The following ZNF75D variants were observed in gnomAD, a reference collection of about 807,000 sequenced individuals.
ZNF75D encodes the protein zinc finger protein 75D.
Under a neutral mutation model 33.3 loss-of-function variants are expected in ZNF75D, and 33 were observed. The observed-to-expected ratio is 0.99, with a 90% CI of 0.75 to 1.32. The LOEUF (loss-of-function observed/expected upper bound fraction) is 1.32. Ranked by LOEUF, ZNF75D falls within the 40% of genes most tolerant of loss-of-function variation. The pLI is 0.00. For missense variants in ZNF75D, 338 were observed against 367.5 expected (o/e 0.92, Z 0.66); for synonymous variants, 113 against 130.6 (o/e 0.87, Z 0.92).
intron 1 of ZNF75D, among the ~76,000 whole-genome samples, chrX:135,277,270 G>A (rs2083902643): frequency 8.9e-6 from 1 of 111,908 alleles, no homozygotes; most frequent in Non-Finnish European, 1.9e-5. Context: ...ATAGTTTGTT[G>A]GCCGCATAAA....
chrX:135,317,463 T>C (rs2084434955), intron 1 of ZNF75D, among the ~76,000 whole-genome samples: 1 of 111,304 alleles, frequency 9.0e-6, no homozygotes. Context: ...GGTAGCTTAC[T>C]TGGATGCCAG....
intron 1 of ZNF75D, among the ~76,000 whole-genome samples, chrX:135,307,723 GT>G (rs1269180289): frequency 8.9e-6 from 1 of 112,171 alleles, no homozygotes; most frequent in African/African-American, 3.2e-5. Flanking sequence ...TCACACAGTT[GT>G]GTGAGACACA....
intron 1 of ZNF75D, among the ~76,000 whole-genome samples, chrX:135,272,788 C>T (rs1331770742): frequency 9.0e-6 from 1 of 111,332 alleles, no homozygotes; most frequent in African/African-American, 3.3e-5. Context: ...AATATCCTCT[C>T]CATTTACATA....
Position 135,266,775 on chromosome X carries a change from T to C in ZNF75D, n.828-10998A>G, listed in dbSNP as rs143539734. Among the ~76,000 whole-genome samples, 881 of 111,998 alleles carry C rather than the reference T, an allele frequency of 7.9e-3. 4 individuals are homozygous for C. The highest frequency in any genetic ancestry group is 0.032 in the Middle Eastern group (7 of 217). On this transcript the variant is annotated intron_variant and non_coding_transcript_variant, in intron 1 of 3. Coordinates refer to the ZNF75D transcript ENST00000494295. The stretch of plus-strand genomic sequence containing the variant: ...AAGTTAATCTGCACTATAGAACAAA[T>C]GGACTTAATAGATATTTACAGAACA...
intron 1 of ZNF75D, among the ~76,000 whole-genome samples, chrX:135,306,521 C>T: frequency 8.9e-6 from 1 of 111,833 alleles, no homozygotes; most frequent in South Asian, 3.7e-4. Context: ...ACAAGCTCCC[C>T]CTCTTACATA....
chrX:135,287,221 C>T lies in ZNF75D; in HGVS notation c.1449G>A (p.Lys483=). Residue 483 remains lysine (K), a synonymous_variant, in exon 7 of 7, where the codon AAG becomes AAA. Transcript: ENST00000370766. ...GEQPYTCSLC[K]RNFSRRSSLL... ...GGCTCGATCGCCTACTAAAGTTTCT[C>T]TTGCATAAGCTACACGTATAAGGCT... is the stretch of plus-strand genomic sequence containing the variant. 1 of 1,211,060 alleles carries T rather than the reference C, an allele frequency of 8.3e-7. No homozygotes were observed. Among genetic ancestry groups the T allele is most frequent in the Non-Finnish European group, 1.1e-6 (1 of 895,336 alleles).
chrX:135,270,671 TC>T (rs2083879965), intron 1 of ZNF75D, among the ~76,000 whole-genome samples: 1 of 109,285 alleles, frequency 9.2e-6, no homozygotes, highest in Non-Finnish European at 1.9e-5. Flanking sequence ...CCATACTAAA[TC>T]CCTTTGGGTC....
Position 135,287,707 on chromosome X carries a change from A to G in ZNF75D, c.963T>C (p.Gly321=). ...GCCATTTCTGTACACTGTGTGTATC[A>G]CCAGGATTTTCCCTGCCCATTGTTT... is the stretch of plus-strand genomic sequence containing the variant. ...AQKTMGRENP[G]DTHSVQKWHR... is the part of the protein sequence containing the mutation. Residue 321 remains glycine, a synonymous_variant, in exon 7 of 7, where the codon GGT becomes GGC. Transcript: ENST00000370766. The G allele has an allele frequency of 8.3e-7, 1 of 1,211,927 alleles. No homozygotes were observed. Among genetic ancestry groups the G allele is most frequent in the Non-Finnish European group, 1.1e-6 (1 of 895,479 alleles).
At chrX:135,279,417 T>G (rs782000176) in intron 1 of ZNF75D, among the ~76,000 whole-genome samples, 1 of 112,033 alleles carries the variant, frequency 8.9e-6, no homozygotes, top group Non-Finnish European at 1.9e-5. Flanking sequence ...ATCTATTTTG[T>G]TAATCTTTTC....
chrX:135,335,959 G>A lies in ZNF75D; in HGVS notation c.-391+5809C>T, dbSNP rs374059984. Among the ~76,000 whole-genome samples, 5 of 111,837 alleles carry A rather than the reference G, an allele frequency of 4.5e-5. No individual in the cohort carries two copies. The East Asian group carries it at 1.1e-3, about 25-fold the overall frequency. Reference sequence around the variant, plus strand: ...TTGTTTTTGCTTCCCACCTAAACTCGCATCATTAAATACTATCCTTATGTT... The same window carrying A: ...TTGTTTTTGCTTCCCACCTAAACTCACATCATTAAATACTATCCTTATGTT... On this transcript the variant is annotated intron_variant, in intron 1 of 6. Coordinates refer to ENST00000370766, the MANE Select transcript of ZNF75D (RefSeq NM_007131.5).
chrX:135,266,811 T>A (rs781937870), intron 1 of ZNF75D, among the ~76,000 whole-genome samples: 1 of 111,990 alleles, frequency 8.9e-6, no homozygotes, highest in South Asian at 3.7e-4. Flanking sequence ...TTTCATCCAA[T>A]GGCTGCAGAA....
chrX:135,249,341 A>G (rs1360827748), intron 3 of ZNF75D: 1 of 255,269 alleles, frequency 3.9e-6, no homozygotes, highest in Non-Finnish European at 7.4e-6. Flanking sequence ...CTGAAGGAGA[A>G]GCATCAAGTA....
At chrX:135,308,922 G>A (rs376633306) in intron 1 of ZNF75D, among the ~76,000 whole-genome samples, 17 of 111,786 alleles carry the variant, frequency 1.5e-4, no homozygotes, top group African/African-American at 4.9e-4. Context: ...AAAGAGATTT[G>A]GAATGAGGAA....
At chrX:135,318,705 C>T (rs1251714590) in intron 1 of ZNF75D, among the ~76,000 whole-genome samples, 4 of 110,785 alleles carry the variant, frequency 3.6e-5, no homozygotes, top group African/African-American at 1.3e-4. Flanking sequence ...CAAAAGATGC[C>T]TTAAAATGTT....
chrX:135,258,210 A>G (rs782269721), intron 1 of ZNF75D, among the ~76,000 whole-genome samples: 80 of 101,468 alleles, frequency 7.9e-4, no homozygotes, highest in Non-Finnish European at 1.3e-3. Context: ...GGACATTTGG[A>G]CTGGTTCCAA....
At chrX:135,335,928 C>CT (rs1168553164) in intron 1 of ZNF75D, among the ~76,000 whole-genome samples, 2 of 111,965 alleles carry the variant, frequency 1.8e-5, no homozygotes, top group South Asian at 3.7e-4. Context: ...CCAACTTATC[C>CT]TTTTTTTGTT....
chrX:135,324,015 ACACACACACG>A (rs1556436085), intron 1 of ZNF75D, among the ~76,000 whole-genome samples: 2 of 110,269 alleles, frequency 1.8e-5, no homozygotes, highest in African/African-American at 6.6e-5. Context: ...ACACACACAC[ACACACACACG>A]CACACCCAAA....
intron 1 of ZNF75D, among the ~76,000 whole-genome samples, chrX:135,258,361 G>A (rs1461584927): frequency 9.1e-6 from 1 of 110,431 alleles, no homozygotes; most frequent in Non-Finnish European, 1.9e-5. Flanking sequence ...GATCCTTGAG[G>A]AATCGCCACA....
At chrX:135,249,186 A>G (rs1335943301) in exon 4 of ZNF75D, 4 of 321,685 alleles carry the variant, frequency 1.2e-5, no homozygotes, top group Non-Finnish European at 2.4e-5. Flanking sequence ...TTAAGTATTC[A>G]TCCACCTTCC....
Sources: gnomAD v4.1 joint callset for allele counts (sites outside exome capture counted in the v4.1 genomes callset) on GRCh38, gnomAD v4.1.1 for gene constraint, MANE v1.5 for transcripts, NCBI Gene and HGNC (gene_info 2026-07-23, HGNC 2026-07-21) for gene names.